Variants in ZNF385D observed in about 807,000 individuals in gnomAD.
The protein encoded by ZNF385D is zinc finger protein 385D.
In ZNF385D, 15 loss-of-function variants were observed where a neutral mutation model predicts 35.8. The ratio of observed to expected loss-of-function variants is 0.42; its 90% CI spans 0.28 to 0.64. The LOEUF (loss-of-function observed/expected upper bound fraction) is 0.64. Among genes scored for constraint, ZNF385D ranks in the 30% least tolerant of loss-of-function variants. The pLI is 0.23. For missense variants in ZNF385D, 474 were observed against 494.6 expected, an observed-to-expected ratio of 0.96 and a Z score of 0.39; for synonymous variants, 212 against 186.8, an observed-to-expected ratio of 1.13 and a Z score of -1.10.
At chr3:21,845,794 T>G (rs970636554) in intron 3 of ZNF385D, among the ~76,000 whole-genome samples, 2 of 151,978 alleles carry the variant, frequency 1.3e-5, no homozygotes, top group Non-Finnish European at 2.9e-5. Flanking sequence ...ATCAACGTCT[T>G]TAACTTGTAA....
intron 4 of ZNF385D, among the ~76,000 whole-genome samples, chr3:21,437,841 A>C (rs1050391560): frequency 3.3e-5 from 5 of 152,148 alleles, no homozygotes; most frequent in African/African-American, 1.2e-4. Flanking sequence ...AAGAAGAAGA[A>C]GACTAGTCTA....
At chr3:22,124,573 C>T (rs549261175) in intron 3 of ZNF385D, among the ~76,000 whole-genome samples, 7 of 152,036 alleles carry the variant, frequency 4.6e-5, no homozygotes, top group Non-Finnish European at 1.0e-4. Context: ...TCCACATTCT[C>T]GCCAGAATTC....
intron 1 of ZNF385D, among the ~76,000 whole-genome samples, chr3:21,725,232 A>G (rs2068709861): frequency 6.6e-6 from 1 of 152,186 alleles, no homozygotes; most frequent in South Asian, 2.1e-4. Context: ...AAAAAGCAGG[A>G]AAGATCCAAA....
rs2125233615 is a variant in ZNF385D, at chr3:21,418,870, C to T, written c.*2344G>A. On this transcript the variant is annotated 3_prime_UTR_variant, in exon 8 of 8. Transcript: ENST00000281523. ...ATAGCAGAAAAGGGAAACTAAAGTTCAAAATGGTTAGAAGCTGGTCACATG... is the reference window on the plus strand; with the variant it reads ...ATAGCAGAAAAGGGAAACTAAAGTTTAAAATGGTTAGAAGCTGGTCACATG... The T allele has an allele frequency of 1.3e-5, 2 of 152,102 alleles. No individual in the cohort carries two copies. Among genetic ancestry groups the T allele is most frequent in the Middle Eastern group, 3.4e-3 (1 of 294 alleles). The allele number at this position is 152,102 out of a possible 1,614,324, so 9.4% of individuals were successfully genotyped here.
chr3:21,723,566 C>A (rs1340076296), intron 1 of ZNF385D, among the ~76,000 whole-genome samples: 1 of 151,774 alleles, frequency 6.6e-6, no homozygotes, highest in Admixed American at 6.6e-5. Context: ...GATTGAAGAT[C>A]GATTTAATGA....
chr3:21,627,095 G>T (rs1248289525), intron 2 of ZNF385D, among the ~76,000 whole-genome samples: 5 of 151,112 alleles, frequency 3.3e-5, no homozygotes, highest in Admixed American at 1.3e-4. Flanking sequence ...ATAATTACAA[G>T]ATTGTTTTCC....
chr3:21,808,397 G>T (rs2072751869), intron 3 of ZNF385D, among the ~76,000 whole-genome samples: 1 of 152,126 alleles, frequency 6.6e-6, no homozygotes, highest in Non-Finnish European at 1.5e-5. Flanking sequence ...TTTGCTCTGT[G>T]CTGTGGCCCC....
In ZNF385D at chr3:21,420,838, T is replaced by C. The variant is rs567245114; in HGVS notation, c.*376A>G. The C allele has an allele frequency of 1.2e-5, 2 of 168,672 alleles. No homozygotes were observed. The highest frequency in any genetic ancestry group is 3.3e-4 in the East Asian group (2 of 6,060). The allele number at this position is 168,672 out of a possible 1,614,324, so 10.4% of individuals were successfully genotyped here. The stretch of plus-strand genomic sequence containing the variant: ...ACAGAGTAAATTATTTTATATACAT[T>C]GGAACCAGTTAATGCCCTTAGACAA... On this transcript the variant is annotated 3_prime_UTR_variant, in exon 8 of 8. Coordinates refer to ENST00000281523, the MANE Select transcript of ZNF385D (RefSeq NM_024697.3).
At chr3:21,882,746 T>G (rs1191531742) in intron 3 of ZNF385D, among the ~76,000 whole-genome samples, 2 of 151,926 alleles carry the variant, frequency 1.3e-5, no homozygotes. Flanking sequence ...ATAATTTAGC[T>G]TTCAATTTTC....
intron 3 of ZNF385D, among the ~76,000 whole-genome samples, chr3:21,935,018 C>G (rs1701192537): frequency 6.6e-6 from 1 of 152,136 alleles, no homozygotes; most frequent in Non-Finnish European, 1.5e-5. Flanking sequence ...GCATTGGTAG[C>G]TCTTAGTTGC....
intron 3 of ZNF385D, among the ~76,000 whole-genome samples, chr3:21,888,826 G>C (rs986125315): frequency 6.6e-6 from 1 of 152,180 alleles, no homozygotes. Flanking sequence ...CTAAGTTGAG[G>C]TTGCCAAGGT....
At chr3:22,323,573 A>G (rs1168541257) in intron 2 of ZNF385D, among the ~76,000 whole-genome samples, 1 of 152,192 alleles carries the variant, frequency 6.6e-6, no homozygotes, top group Non-Finnish European at 1.5e-5. Context: ...TTAGCTAAAG[A>G]CAGCTAACTT....
At chr3:21,831,366 G>C (rs901659796) in intron 3 of ZNF385D, among the ~76,000 whole-genome samples, 10 of 152,060 alleles carry the variant, frequency 6.6e-5, no homozygotes, top group Admixed American at 6.6e-4. Flanking sequence ...GAACATAGTA[G>C]GTAATCAAAA....
At chr3:22,034,485 T>G (rs973062746) in intron 3 of ZNF385D, among the ~76,000 whole-genome samples, 2 of 152,132 alleles carry the variant, frequency 1.3e-5, no homozygotes, top group African/African-American at 4.8e-5. Context: ...ATTGTAAATT[T>G]GATCTCAAAA....
At chr3:22,212,414 G>T in intron 2 of ZNF385D, among the ~76,000 whole-genome samples, 1 of 152,038 alleles carries the variant, frequency 6.6e-6, no homozygotes, top group East Asian at 1.9e-4. Context: ...GAGGGCAAAA[G>T]AAATTGATGA....
intron 1 of ZNF385D, among the ~76,000 whole-genome samples, chr3:21,700,551 T>C (rs2067643397): frequency 6.6e-6 from 1 of 152,184 alleles, no homozygotes. Flanking sequence ...CAGCTGGAGA[T>C]GACAGAAGAC....
Position 21,414,504 on chromosome 3 carries a change from C to G in ZNF385D, c.*6710G>C, listed in dbSNP as rs1004891942. On this transcript the variant is annotated 3_prime_UTR_variant, in exon 8 of 8. Transcript: ENST00000281523. ...TGTAACTATAAGTCACATTTTAAAA[C>G]GACTTTATGAAATTTATAGAAATAT... 5.9e-5 allele frequency: 9 copies of G among 152,012 alleles called. No homozygotes were observed. The highest frequency in any genetic ancestry group is 1.0e-4 in the Non-Finnish European group (7 of 67,988). 9.4% of individuals were successfully genotyped at this position (152,012 alleles called of 1,614,324 possible). A position where few individuals can be genotyped will look rare whatever the true frequency, so the allele number is the denominator to read the frequency against.
At chr3:21,645,039 A>G (rs1358311255) in intron 2 of ZNF385D, among the ~76,000 whole-genome samples, 1 of 152,192 alleles carries the variant, frequency 6.6e-6, no homozygotes, top group Non-Finnish European at 1.5e-5. Context: ...GCTAACTTGG[A>G]TAATAAGTGT....
rs1157796333 is a variant in ZNF385D at position 21,551,078 on chromosome 3, T to C, written c.276+13496A>G. Among the ~76,000 whole-genome samples the C allele has an allele frequency of 2.0e-5, 3 of 152,194 alleles. No individual in the cohort carries two copies. In the East Asian group the frequency reaches 5.8e-4, roughly 29 times the overall value. On this transcript the variant is annotated intron_variant, in intron 3 of 7. Coordinates refer to ENST00000281523, the MANE Select transcript of ZNF385D (RefSeq NM_024697.3). ...TATGAATAATACCATGTAAGAGAAC[T>C]CATGAGTTCTTATGAGTGAGTTCTA...
Sources: gnomAD v4.1 joint callset for allele counts (sites outside exome capture counted in the v4.1 genomes callset) on GRCh38, gnomAD v4.1.1 for gene constraint, MANE v1.5 for transcripts, NCBI Gene and HGNC (gene_info 2026-07-23, HGNC 2026-07-21) for gene names.